Variants in CFAP61 observed in about 807,000 individuals in gnomAD.
The protein encoded by CFAP61 is cilia and flagella associated protein 61.
A neutral mutation model predicts 135.6 loss-of-function variants in CFAP61; 107 were observed. The ratio of observed to expected loss-of-function variants is 0.79; its 90% CI spans 0.67 to 0.93. CFAP61 has a LOEUF of 0.93. Ranked by LOEUF, CFAP61 falls within the 40% of genes least tolerant of loss-of-function variation. CFAP61 has a pLI of 0.00. For synonymous variants in CFAP61, 575 were observed against 578.5 expected, an observed-to-expected ratio of 0.99 and a Z score of 0.09; for missense variants, 1,507 against 1,556.2, an observed-to-expected ratio of 0.97 and a Z score of 0.53.
At chr20:20,187,693 T>C (rs2055611001) in intron 13 of CFAP61, among the ~76,000 whole-genome samples, 1 of 152,226 alleles carries the variant, frequency 6.6e-6, no homozygotes, top group Non-Finnish European at 1.5e-5. Context: ...ATCTCTGTGT[T>C]GTCTTTGGTT....
chr20:20,298,303 C>G lies in CFAP61; in HGVS notation c.3339C>G (p.Tyr1113Ter), dbSNP rs766363226. ...GGGAGCCCTTCCCCGCCTCCAACTA[C>G]ATCCGCTTGTTTGGCCAGCACGAGC... ...LSREPFPASN[Y>*]IRLFGQHEQL... The change falls in exon 25 of 27, where the codon TAC (tyrosine) becomes TAG (stop). Residue 1113 changes from tyrosine to a stop codon, truncating the protein, a stop_gained. Coordinates refer to ENST00000245957, the MANE Select transcript of CFAP61 (RefSeq NM_015585.4). LOFTEE classifies it high-confidence loss of function. 14 of 1,614,176 alleles carry G rather than the reference C, an allele frequency of 8.7e-6. No individual in the cohort carries two copies. The highest frequency in any genetic ancestry group is 1.1e-5 in the Non-Finnish European group (13 of 1,180,014).
At chr20:20,104,469 C>T (rs1037922322) in intron 8 of CFAP61, among the ~76,000 whole-genome samples, 6 of 152,130 alleles carry the variant, frequency 3.9e-5, no homozygotes, top group African/African-American at 7.2e-5. Flanking sequence ...CAGGTCTTTT[C>T]GCCTCTCTTC....
intron 9 of CFAP61, among the ~76,000 whole-genome samples, chr20:20,157,561 T>C (rs1171185624): frequency 6.6e-6 from 1 of 152,226 alleles, no homozygotes; most frequent in Admixed American, 6.5e-5. Context: ...TTTATATCCA[T>C]ATACAAACTT....
chr20:20,117,570 G>A (rs922582931), intron 8 of CFAP61, among the ~76,000 whole-genome samples: 1 of 151,988 alleles, frequency 6.6e-6, no homozygotes, highest in Non-Finnish European at 1.5e-5. Context: ...TGGGTATTCA[G>A]GGTCTTTGTG....
chr20:20,272,778 G>A (rs1333453794), intron 21 of CFAP61, among the ~76,000 whole-genome samples: 1 of 152,172 alleles, frequency 6.6e-6, no homozygotes, highest in African/African-American at 2.4e-5. Context: ...CTGTTTGACT[G>A]TGTCTCTGCC....
At chr20:20,168,914 G>T (rs1157403356) in intron 12 of CFAP61, among the ~76,000 whole-genome samples, 1 of 152,146 alleles carries the variant, frequency 6.6e-6, no homozygotes, top group African/African-American at 2.4e-5. Context: ...CTCCCATCTC[G>T]CAAGAGGAAG....
intron 10 of CFAP61, among the ~76,000 whole-genome samples, chr20:20,160,347 C>T (rs575667288): frequency 6.6e-6 from 1 of 152,268 alleles, no homozygotes; most frequent in East Asian, 1.9e-4. Flanking sequence ...GAACACTAAG[C>T]CCAGACACTG....
chr20:20,312,140 C>A (rs2056869532), intron 25 of CFAP61, among the ~76,000 whole-genome samples: 1 of 152,070 alleles, frequency 6.6e-6, no homozygotes, highest in Admixed American at 6.6e-5. Flanking sequence ...CAAAAAATTA[C>A]TGAGAAGGCA....
chr20:20,178,761 T>A (rs969830655), intron 13 of CFAP61, among the ~76,000 whole-genome samples: 2 of 152,128 alleles, frequency 1.3e-5, no homozygotes, highest in Non-Finnish European at 1.5e-5. Flanking sequence ...CAGGCCCGTG[T>A]TATTGTGGAG....
chr20:20,156,824 A>G (rs2052949044), intron 9 of CFAP61, among the ~76,000 whole-genome samples: 1 of 152,236 alleles, frequency 6.6e-6, no homozygotes, highest in Non-Finnish European at 1.5e-5. Flanking sequence ...TGAAAACTAC[A>G]AAACATTTCT....
At chr20:20,107,272 A>G (rs2048473176) in intron 8 of CFAP61, among the ~76,000 whole-genome samples, 2 of 152,240 alleles carry the variant, frequency 1.3e-5, no homozygotes, top group Non-Finnish European at 2.9e-5. Flanking sequence ...CTGAAGCTCA[A>G]CATGAAGCCA....
chr20:20,350,184 G>C (rs2058782453), intron 26 of CFAP61, among the ~76,000 whole-genome samples: 1 of 152,186 alleles, frequency 6.6e-6, no homozygotes, highest in Admixed American at 6.5e-5. Context: ...AAAACAAGGG[G>C]GGAAATAGTG....
At chr20:20,136,561 C>G (rs1218691464) in intron 8 of CFAP61, among the ~76,000 whole-genome samples, 2 of 152,088 alleles carry the variant, frequency 1.3e-5, no homozygotes, top group African/African-American at 2.4e-5. Flanking sequence ...TTGCATTTTT[C>G]AACTCCAGAA....
intron 25 of CFAP61, among the ~76,000 whole-genome samples, chr20:20,331,430 A>G (rs1602054590): frequency 5.9e-5 from 1 of 17,048 alleles, no homozygotes; most frequent in East Asian, 3.0e-3. Context: ...AAGCTTTAGA[A>G]AAAAAAAAAA....
intron 20 of CFAP61, among the ~76,000 whole-genome samples, chr20:20,254,648 C>T (rs1427788915): frequency 6.6e-6 from 1 of 152,138 alleles, no homozygotes; most frequent in Non-Finnish European, 1.5e-5. Flanking sequence ...AGCTTTTCTC[C>T]CCCTTCCCCC....
intron 18 of CFAP61, among the ~76,000 whole-genome samples, chr20:20,235,538 T>G (rs1379098904): frequency 1.3e-5 from 2 of 152,102 alleles, no homozygotes; most frequent in Non-Finnish European, 2.9e-5. Flanking sequence ...CATCCCCACT[T>G]TTCTCATGGG....
At chr20:20,093,969 G>A (rs1419535550) in intron 7 of CFAP61, among the ~76,000 whole-genome samples, 2 of 152,082 alleles carry the variant, frequency 1.3e-5, no homozygotes, top group African/African-American at 4.8e-5. Context: ...GAGCCACCAT[G>A]CCTGACCTCA....
At chr20:20,230,903 A>G (rs1281554757) in intron 18 of CFAP61, among the ~76,000 whole-genome samples, 3 of 152,224 alleles carry the variant, frequency 2.0e-5, no homozygotes, top group Non-Finnish European at 4.4e-5. Flanking sequence ...CAGGGGCATC[A>G]TCATTCCTGG....
chr20:20,165,839 G>T (rs1339667269), intron 11 of CFAP61, among the ~76,000 whole-genome samples: 1 of 152,134 alleles, frequency 6.6e-6, no homozygotes, highest in East Asian at 1.9e-4. Context: ...ACATTGAAAA[G>T]AAATTCTTTT....
Sources: allele counts gnomAD v4.1 joint callset (sites outside exome capture counted in the v4.1 genomes callset), GRCh38; gene constraint gnomAD v4.1.1; transcripts MANE v1.5; gene names NCBI Gene and HGNC (gene_info 2026-07-23, HGNC 2026-07-21).